The following KIF1B variants were observed in gnomAD, a reference collection of about 807,000 sequenced individuals.
KIF1B encodes the protein kinesin family member 1B.
A neutral mutation model predicts 241.9 loss-of-function variants in KIF1B; 76 were observed. The observed-to-expected ratio is 0.31, with a 90% CI of 0.26 to 0.38. The LOEUF (loss-of-function observed/expected upper bound fraction) is 0.38. Among genes scored for constraint, KIF1B ranks in the 10% least tolerant of loss-of-function variants. KIF1B has a pLI of 1.00. For synonymous variants in KIF1B, 750 were observed against 796.7 expected, an observed-to-expected ratio of 0.94 and a Z score of 0.99; for missense variants, 1,622 against 2,271.4, an observed-to-expected ratio of 0.71 and a Z score of 5.81.
chr1:10,369,566 G>T (rs111412327), intron 44 of KIF1B, among the ~76,000 whole-genome samples: 66 of 152,330 alleles, frequency 4.3e-4, no homozygotes, highest in African/African-American at 1.5e-3. Context: ...CCAGGAGTTT[G>T]AGGCTGCAGT....
chr1:10,305,626 A>C (rs1440480150), intron 22 of KIF1B: 17 of 1,056,584 alleles, frequency 1.6e-5, no homozygotes, highest in Non-Finnish European at 1.9e-5. Flanking sequence ...GGCTTGGAAT[A>C]AAGGAGATGA....
chr1:10,311,564 A>G lies in KIF1B; in HGVS notation c.2116-8479A>G, dbSNP rs1261746495. Among the ~76,000 whole-genome samples the G allele has an allele frequency of 4.0e-5, 6 of 151,154 alleles. 1 individual carries two copies. Among genetic ancestry groups the G allele is most frequent in the African/African-American group, 1.5e-4 (6 of 40,566 alleles). ...TCCTCATTCTTGCTGGAACTCATCT[A>G]GTCAGACTCTTGTTCTCCCCTCACC... On this transcript the variant is annotated intron_variant, in intron 22 of 48. Coordinates refer to ENST00000676179, the MANE Select transcript of KIF1B (RefSeq NM_001365951.3).
Position 10,275,562 on chromosome 1 carries a change from T to G in KIF1B, c.958+59T>G, listed in dbSNP as rs148239942. 108 of 963,116 alleles carry G rather than the reference T, an allele frequency of 1.1e-4. 1 individual carries two copies. In the African/African-American group the frequency reaches 1.4e-3, roughly 12 times the overall value. 59.7% of individuals were successfully genotyped at this position (963,116 alleles called of 1,614,324 possible). A position where few individuals can be genotyped will look rare whatever the true frequency, so the allele number is the denominator to read the frequency against. ...TTTAACTTTGATTATCTTTTGTGGT[T>G]AATTGTCCTGTGTCTGTTTTGGAGA... On this transcript the variant is annotated intron_variant, in intron 11 of 48. Transcript: ENST00000676179.
rs547364457 is a variant in KIF1B at position 10,265,083 on chromosome 1, T to G, written c.430-2297T>G. Among the ~76,000 whole-genome samples the G allele has an allele frequency of 1.5e-3, 226 of 152,100 alleles. 1 individual carries two copies. Among genetic ancestry groups the G allele is most frequent in the African/African-American group, 4.9e-3 (204 of 41,486 alleles). On this transcript the variant is annotated intron_variant, in intron 5 of 48. Coordinates refer to ENST00000676179, the MANE Select transcript of KIF1B (RefSeq NM_001365951.3). Reference sequence around the variant, plus strand: ...TCCTGGGCTCAGTGATCGTCCTGCCTCAGCCTCCTGAGTAATTTGCACCAC... The same window carrying G: ...TCCTGGGCTCAGTGATCGTCCTGCCGCAGCCTCCTGAGTAATTTGCACCAC...
intron 1 of KIF1B, among the ~76,000 whole-genome samples, chr1:10,212,330 G>A (rs1336108755): frequency 2.6e-5 from 4 of 152,184 alleles, no homozygotes; most frequent in African/African-American, 9.7e-5. Context: ...ATGGTTGCTG[G>A]ATTATAGAGC....
intron 28 of KIF1B, 57 bp downstream of exon 28, chr1:10,334,695 G>A: frequency 7.4e-7 from 1 of 1,351,360 alleles, no homozygotes; most frequent in Non-Finnish European, 1.1e-6. Context: ...AGACAAAGCA[G>A]GCTGATTCTG....
chr1:10,266,726 T>C (rs1648484376), intron 5 of KIF1B, among the ~76,000 whole-genome samples: 1 of 152,216 alleles, frequency 6.6e-6, no homozygotes, highest in African/African-American at 2.4e-5. Context: ...GACAACAGTA[T>C]ACATTTTAAA....
intron 27 of KIF1B, among the ~76,000 whole-genome samples, chr1:10,327,143 G>T (rs1398691937): frequency 2.0e-5 from 3 of 152,004 alleles, no homozygotes; most frequent in Non-Finnish European, 1.5e-5. Context: ...GGCTGAGGTG[G>T]GTGGATAACC....
At chr1:10,255,660 C>T (rs1647732627) in intron 2 of KIF1B, among the ~76,000 whole-genome samples, 1 of 152,168 alleles carries the variant, frequency 6.6e-6, no homozygotes. Context: ...GGAGGATAAA[C>T]ATTGTCACAG....
At chr1:10,331,655 A>G (rs1651925762) in intron 27 of KIF1B, among the ~76,000 whole-genome samples, 2 of 152,224 alleles carry the variant, frequency 1.3e-5, no homozygotes, top group Non-Finnish European at 2.9e-5. Context: ...TTTAAAATAG[A>G]TTTCAGAGCA....
At chr1:10,306,588 A>G (rs1650837253) in intron 22 of KIF1B, 3 of 469,648 alleles carry the variant, frequency 6.4e-6, no homozygotes, top group Non-Finnish European at 8.8e-6. Context: ...TTTGGCATCA[A>G]TATGGTGATG....
At position 10,347,837 on chromosome 1, in the gene KIF1B, A is replaced by T. The variant is rs1412596541; in HGVS notation, c.3864+10A>T. ...ATTTTTGCTTCATCAGGTACTAATG[A>T]GGGACCAAAACAGGCATCGGAGGGA... On this transcript the variant is annotated intron_variant, in intron 36 of 48. Transcript: ENST00000676179. 6.2e-7 allele frequency: 1 copy of T among 1,608,422 alleles called. No homozygotes were observed. The highest frequency in any genetic ancestry group is 1.1e-5 in the South Asian group (1 of 90,972).
At chr1:10,213,156 T>A (rs1291416353) in intron 1 of KIF1B, among the ~76,000 whole-genome samples, 1 of 151,216 alleles carries the variant, frequency 6.6e-6, no homozygotes, top group Non-Finnish European at 1.5e-5. Context: ...TTTTAATTTT[T>A]AGAGTTACTT....
chr1:10,297,378 T>G, intron 22 of KIF1B, 132 bp downstream of exon 22: 1 of 837,836 alleles, frequency 1.2e-6, no homozygotes, highest in Admixed American at 1.9e-5. Context: ...TTAATTTCCT[T>G]AATGGAGAAT....
intron 32 of KIF1B, among the ~76,000 whole-genome samples, chr1:10,341,272 G>A (rs993827809): frequency 6.6e-6 from 1 of 152,242 alleles, no homozygotes; most frequent in African/African-American, 2.4e-5. Flanking sequence ...TTTTGTTGGG[G>A]AGGATAGTTG....
chr1:10,263,283 ATAAT>A (rs1648254573), intron 5 of KIF1B, among the ~76,000 whole-genome samples: 1 of 132,614 alleles, frequency 7.5e-6, no homozygotes, highest in Non-Finnish European at 1.7e-5. Context: ...AAAAAAAATA[ATAAT>A]AATAAATAAA....
chr1:10,296,994 C>T lies in KIF1B; in HGVS notation c.1959C>T (p.Pro653=). 3 of 1,614,076 alleles carry T rather than the reference C, an allele frequency of 1.9e-6. No individual in the cohort carries two copies. The highest frequency in any genetic ancestry group is 2.5e-6 in the Non-Finnish European group (3 of 1,179,978). ...AGAAGACTCCTTCTGCTGAGACCCCCTCTGAGCCTGTGGACTGGACATTTG... is the reference window on the plus strand; with the variant it reads ...AGAAGACTCCTTCTGCTGAGACCCCTTCTGAGCCTGTGGACTGGACATTTG... ...EREKTPSAET[P]SEPVDWTFAQ... is the part of the protein sequence containing the mutation. The change falls in exon 21 of 49, where the codon CCC becomes CCT. Residue 653 remains proline, a synonymous_variant. Coordinates refer to ENST00000676179, the MANE Select transcript of KIF1B (RefSeq NM_001365951.3).
chr1:10,265,954 A>G lies in KIF1B; in HGVS notation c.430-1426A>G, dbSNP rs114760248. Among the ~76,000 whole-genome samples the G allele has an allele frequency of 2.2e-3, 329 of 152,356 alleles. 2 individuals carry two copies. The highest frequency in any genetic ancestry group is 7.7e-3 in the African/African-American group (319 of 41,598). ...TAAGATTCCATTCCAGATACTCTGA[A>G]AACATGTCCATAGACATTTAAAGTT... is the stretch of plus-strand genomic sequence containing the variant. On this transcript the variant is annotated intron_variant, in intron 5 of 48. Transcript: ENST00000676179.
At chr1:10,283,661 T>C (rs968815105) in intron 15 of KIF1B, among the ~76,000 whole-genome samples, 4 of 152,204 alleles carry the variant, frequency 2.6e-5, no homozygotes, top group African/African-American at 4.8e-5. Flanking sequence ...GAAGCAAATA[T>C]TTTTTCTTTC....
Sources: gnomAD v4.1 joint callset for allele counts (sites outside exome capture counted in the v4.1 genomes callset) on GRCh38, gnomAD v4.1.1 for gene constraint, MANE v1.5 for transcripts, NCBI Gene and HGNC (gene_info 2026-07-23, HGNC 2026-07-21) for gene names.